The following CHD3 variants were observed in gnomAD, a reference collection of about 807,000 sequenced individuals.
CHD3 encodes chromodomain helicase DNA binding protein 3.
CHD3 carries 52 observed loss-of-function variants against 248.9 expected under a neutral mutation model. The observed-to-expected ratio is 0.21, with a 90% confidence interval of 0.17 to 0.26. The LOEUF is 0.26. Ranked by LOEUF, CHD3 falls within the 10% of genes least tolerant of loss-of-function variation. CHD3 has a pLI of 1.00. For synonymous variants in CHD3, 985 were observed against 985.2 expected (o/e 1.00, Z 0.00); for missense variants, 1,482 against 2,605.8 (o/e 0.57, Z 9.39).
chr17:7,911,548 AGCCCC>A lies in CHD3; in HGVS notation c.5968_5972del (p.Pro1990SerfsTer50). 1.2e-6 allele frequency: 2 copies of A among 1,614,130 alleles called. No homozygotes were observed. Among genetic ancestry groups the A allele is most frequent in the Non-Finnish European group, 1.7e-6 (2 of 1,180,030 alleles). On this transcript the variant is annotated frameshift_variant, in exon 40 of 40. Coordinates refer to ENST00000330494, the MANE Select transcript of CHD3 (RefSeq NM_001005273.3). LOFTEE classifies it high-confidence loss of function. This position sits in a 1 kb window ranked among gnomAD's most constrained non-coding sequence, Gnocchi z 5.4. ...GTGTCAGACGGGCTGGATCGGAAGG[AGCCCC>A]GAGCCGGGGAGGTGATCTGTATAGA...
chr17:7,911,003 C>A lies in CHD3; in HGVS notation c.5881+30C>A, dbSNP rs915556767. ...GCTGGTGTTTTCCTACCCCCTGCTA[C>A]TCACACTCCTCCTTTGCCAAACTTT... On this transcript the variant is annotated intron_variant, in intron 39 of 39. Coordinates refer to ENST00000330494, the MANE Select transcript of CHD3 (RefSeq NM_001005273.3). The surrounding 1 kb of genome is among the most constrained non-coding windows in gnomAD (Gnocchi z 5.4). 1 of 1,611,014 alleles carries A rather than the reference C, an allele frequency of 6.2e-7. No homozygotes were observed. Among genetic ancestry groups the A allele is most frequent in the African/African-American group, 1.3e-5 (1 of 74,670 alleles).
chr17:7,905,617 T>G lies in CHD3; in HGVS notation c.4139-4T>G, dbSNP rs1044347263. The G allele has an allele frequency of 6.3e-7, 1 of 1,585,638 alleles. No individual in the cohort carries two copies. Among genetic ancestry groups the G allele is most frequent in the African/African-American group, 1.3e-5 (1 of 74,074 alleles). On this transcript the variant is annotated splice_region_variant and splice_polypyrimidine_tract_variant and intron_variant, in intron 26 of 39. Coordinates refer to ENST00000330494, the MANE Select transcript of CHD3 (RefSeq NM_001005273.3). The surrounding 1 kb of genome is among the most constrained non-coding windows in gnomAD (Gnocchi z 5.8). ...CAGCTAACTGATGTCATCCCCACCC[T>G]CAGGGCGTAGACAGTCAAAGAGGCA...
chr17:7,891,281 G>A (rs569730060), intron 4 of CHD3, among the ~76,000 whole-genome samples: 1 of 152,302 alleles, frequency 6.6e-6, no homozygotes, highest in East Asian at 1.9e-4. Context: ...GGGTGGAGGG[G>A]CCATCATGAT....
chr17:7,892,334 A>C (rs983129327), intron 4 of CHD3, among the ~76,000 whole-genome samples: 8 of 152,214 alleles, frequency 5.3e-5, no homozygotes, highest in Non-Finnish European at 4.4e-5. Flanking sequence ...AATGCAGAGA[A>C]TCATAGCAAC....
upstream of CHD3, chr17:7,884,929 G>GGACGATGAGGAGGACGAC (rs1433824928): frequency 1.4e-6 from 2 of 1,410,908 alleles, no homozygotes; most frequent in Non-Finnish European, 1.9e-6. Context: ...CGGCCGACGA[G>GGACGATGAGGAGGACGAC]GACGATGAGG....
rs1567855216 is a variant in CHD3, at chr17:7,900,099, AAAC to A, written c.2682+72_2682+74del. 3.9e-6 allele frequency: 6 copies of A among 1,544,992 alleles called. No homozygotes were observed. The highest frequency in any genetic ancestry group is 5.2e-6 in the Non-Finnish European group (6 of 1,144,562). ...ACTTCCCACTTGCCTTGGTCCTAAA[AAAC>A]AACAAAAATTCTGGGGATTTTCTGT... On this transcript the variant is annotated intron_variant, in intron 16 of 39. Transcript: ENST00000330494. The surrounding 1 kb of genome is among the most constrained non-coding windows in gnomAD (Gnocchi z 6.5).
At position 7,910,299 on chromosome 17, in the gene CHD3, C is replaced by T. The variant is rs1407897454; in HGVS notation, c.5591-129C>T. 1.8e-6 allele frequency: 2 copies of T among 1,112,136 alleles called. No homozygotes were observed. The highest frequency in any genetic ancestry group is 3.1e-5 in the African/African-American group (2 of 64,728). The allele number at this position is 1,112,136 out of a possible 1,614,324, so 68.9% of individuals were successfully genotyped here. ...ACTTTCTTGATCTCTGGTTCTTTGA[C>T]ATCTGTGTTCTCCTCTCTCGCTCTT... On this transcript the variant is annotated intron_variant, in intron 37 of 39. Transcript: ENST00000330494. The surrounding 1 kb of genome is among the most constrained non-coding windows in gnomAD (Gnocchi z 4.7).
chr17:7,895,300 C>T lies in CHD3; in HGVS notation c.1504-39C>T, dbSNP rs1405609376. On this transcript the variant is annotated intron_variant, in intron 9 of 39. Transcript: ENST00000330494. The surrounding 1 kb of genome is among the most constrained non-coding windows in gnomAD (Gnocchi z 4.9). ...TCATCTAACAATGGGTTCTTTCTGC[C>T]TCTTTCTTTCCTCCTCCTTGTACGT... 5 of 1,608,170 alleles carry T rather than the reference C, an allele frequency of 3.1e-6. No homozygotes were observed. The African/African-American group carries it at 6.7e-5, about 22-fold the overall frequency.
chr17:7,884,871 A>G, upstream of CHD3: 2 of 1,266,352 alleles, frequency 1.6e-6, no homozygotes, highest in Admixed American at 2.3e-5. Flanking sequence ...GAGGAGGAAG[A>G]AGAGGAGGAA....
In CHD3 at chr17:7,894,989, G is replaced by A; in HGVS notation, c.1342G>A (p.Glu448Lys). 1 of 1,614,034 alleles carries A rather than the reference G, an allele frequency of 6.2e-7. No homozygotes were observed. Among genetic ancestry groups the A allele is most frequent in the Non-Finnish European group, 8.5e-7 (1 of 1,179,960 alleles). ...CGAAGAGGAGGGAGAGGAAGAAGGG[G>A]AGAAGGAGGAGGAGGATGATCACAT... ...EYEEEGEEEG[E>K]KEEEDDHMEY... is the part of the protein sequence containing the mutation. Residue 448 changes from glutamate to lysine, a missense_variant, in exon 9 of 40, where the codon GAG becomes AAG. Physicochemically the swap from Glu to Lys is moderately conservative, Grantham distance 56 (BLOSUM62 1). Around this residue, in one of 20 missense-constraint regions of CHD3, gnomAD observed 138 missense variants for 241.1 expected, o/e 0.57. Coordinates refer to ENST00000330494, the MANE Select transcript of CHD3 (RefSeq NM_001005273.3).
In CHD3 at chr17:7,905,547, G is replaced by T; in HGVS notation, c.4139-74G>T. 9.0e-7 allele frequency: 1 copy of T among 1,112,144 alleles called. No homozygotes were observed. The allele number at this position is 1,112,144 out of a possible 1,614,324, so 68.9% of individuals were successfully genotyped here. ...TGTTCCTGTGTTGTGTATCTTGTGG[G>T]AATGGGGTGCTAAGGAGGACTGAGG... On this transcript the variant is annotated intron_variant, in intron 26 of 39. Coordinates refer to ENST00000330494, the MANE Select transcript of CHD3 (RefSeq NM_001005273.3). This position sits in a 1 kb window ranked among gnomAD's most constrained non-coding sequence, Gnocchi z 5.8.
Position 7,905,386 on chromosome 17 carries a change from A to G in CHD3, c.4138+221A>G. The stretch of plus-strand genomic sequence containing the variant: ...ATCCAGAAAGGCCATATCATTTTCC[A>G]TTCCCACTGGTAATCTGGGCCTTTG... On this transcript the variant is annotated intron_variant, in intron 26 of 39. Coordinates refer to ENST00000330494, the MANE Select transcript of CHD3 (RefSeq NM_001005273.3). This position sits in a 1 kb window ranked among gnomAD's most constrained non-coding sequence, Gnocchi z 5.8. 1 of 614,890 alleles carries G rather than the reference A, an allele frequency of 1.6e-6. No individual in the cohort carries two copies. Among genetic ancestry groups the G allele is most frequent in the Non-Finnish European group, 2.9e-6 (1 of 345,278 alleles). The allele number at this position is 614,890 out of a possible 1,614,324, so 38.1% of individuals were successfully genotyped here. A position where few individuals can be genotyped will look rare whatever the true frequency, so the allele number is the denominator to read the frequency against.
Position 7,910,771 on chromosome 17 carries a change from A to G in CHD3, c.5755-76A>G. 2 of 1,549,692 alleles carry G rather than the reference A, an allele frequency of 1.3e-6. No homozygotes were observed. Among genetic ancestry groups the G allele is most frequent in the Non-Finnish European group, 1.7e-6 (2 of 1,149,546 alleles). ...CCTTAGCAGTTGTGGAGTGTGGCTCATAATGTCTCTCCTACAGCTTCTTTC... is the reference window on the plus strand; with the variant it reads ...CCTTAGCAGTTGTGGAGTGTGGCTCGTAATGTCTCTCCTACAGCTTCTTTC... On this transcript the variant is annotated intron_variant, in intron 38 of 39. Transcript: ENST00000330494. This position sits in a 1 kb window ranked among gnomAD's most constrained non-coding sequence, Gnocchi z 4.7.
upstream of CHD3, among the ~76,000 whole-genome samples, chr17:7,885,899 G>A (rs1208211917): frequency 2.6e-5 from 4 of 152,338 alleles, no homozygotes; most frequent in South Asian, 8.3e-4. Context: ...GCCTGTGCAG[G>A]GACAGCAGTC....
At chr17:7,890,141 T>C (rs971148687) in intron 2 of CHD3, among the ~76,000 whole-genome samples, 14 of 152,104 alleles carry the variant, frequency 9.2e-5, no homozygotes, top group African/African-American at 3.4e-4. Flanking sequence ...CTGTAAAAAG[T>C]AGATAAAGGC....
Position 7,910,477 on chromosome 17 carries a change from C to G in CHD3, c.5640C>G (p.Thr1880=). The change falls in exon 38 of 40, where the codon ACC becomes ACG. Residue 1880 remains threonine, a synonymous_variant. Transcript: ENST00000330494. The surrounding 1 kb of genome is among the most constrained non-coding windows in gnomAD (Gnocchi z 4.7). ...TGAGCGACATGAAGGCGGACGTGAC[C>G]CGCCTGCCAGCCACGCTGTCCCGAA... ...ELLSDMKADV[T]RLPATLSRIP... is the part of the protein sequence containing the mutation. The G allele has an allele frequency of 1.2e-6, 2 of 1,614,092 alleles. No individual in the cohort carries two copies. The highest frequency in any genetic ancestry group is 2.2e-5 in the South Asian group (2 of 91,084).
chr17:7,911,448 C>A lies in CHD3; in HGVS notation c.5882-16C>A, dbSNP rs1971650085. 1.9e-6 allele frequency: 3 copies of A among 1,614,106 alleles called. 1 individual carries two copies. In the African/African-American group the frequency reaches 4.0e-5, roughly 22 times the overall value. On this transcript the variant is annotated splice_polypyrimidine_tract_variant and intron_variant, in intron 39 of 39. Coordinates refer to ENST00000330494, the MANE Select transcript of CHD3 (RefSeq NM_001005273.3). This position sits in a 1 kb window ranked among gnomAD's most constrained non-coding sequence, Gnocchi z 5.4. Reference sequence around the variant, plus strand: ...TGATCTGGAGATTGATCTTTCCTTACCCCTTTCCCAAACAGCCGCCACCAA... The same window carrying A: ...TGATCTGGAGATTGATCTTTCCTTAACCCTTTCCCAAACAGCCGCCACCAA...
At chr17:7,898,365 A>G (rs1969930095) in intron 12 of CHD3, 131 bp from the exon 13 acceptor site, 3 of 776,358 alleles carry the variant, frequency 3.9e-6, no homozygotes, top group Non-Finnish European at 6.2e-6. Flanking sequence ...GCAAGGGTAA[A>G]GAGCCTGGGA....
chr17:7,907,006 C>G lies in CHD3; in HGVS notation c.4641C>G (p.Thr1547=), dbSNP rs150535094. The part of the protein sequence containing the change: ...TSPTTPEASA[T]NSPCTSKPAT... ...CCACCACTCCTGAGGCTTCTGCTACCAACAGTCCCTGCACCTCTAAACCTG... is the reference window on the plus strand; with the variant it reads ...CCACCACTCCTGAGGCTTCTGCTACGAACAGTCCCTGCACCTCTAAACCTG... The change falls in exon 30 of 40, where the codon ACC becomes ACG. Residue 1547 remains threonine (T), a synonymous_variant. Coordinates refer to ENST00000330494, the MANE Select transcript of CHD3 (RefSeq NM_001005273.3). This position sits in a 1 kb window ranked among gnomAD's most constrained non-coding sequence, Gnocchi z 4.3. 281 of 1,614,188 alleles carry G rather than the reference C, an allele frequency of 1.7e-4. No homozygotes were observed. The highest frequency in any genetic ancestry group is 2.2e-4 in the Non-Finnish European group (256 of 1,180,034).
Sources: gnomAD v4.1 joint callset for allele counts (sites outside exome capture counted in the v4.1 genomes callset) on GRCh38, gnomAD v4.1.1 for gene constraint, gnomAD v4.1.1 regional missense constraint, Gnocchi (gnomAD v3.1) non-coding constraint, MANE v1.5 for transcripts, NCBI Gene and HGNC (gene_info 2026-07-23, HGNC 2026-07-21) for gene names.